Variants in FBXL17 observed in about 807,000 individuals in gnomAD.
FBXL17 encodes F-box and leucine rich repeat protein 17.
A neutral mutation model predicts 66.2 loss-of-function variants in FBXL17; 22 were observed. The observed-to-expected ratio is 0.33, with a 90% CI of 0.24 to 0.47. The LOEUF (loss-of-function observed/expected upper bound fraction) is 0.47. Ranked by LOEUF, FBXL17 falls within the 20% of genes least tolerant of loss-of-function variation. FBXL17 has a pLI of 1.00. For synonymous variants in FBXL17, 474 were observed against 400.5 expected (o/e 1.18, Z -2.19); for missense variants, 878 against 948.2 (o/e 0.93, Z 0.97).
At position 107,925,408 on chromosome 5, in the gene FBXL17, T is replaced by C. The variant is rs528417247; in HGVS notation, c.1823-44229A>G. 5.3e-5 allele frequency among the ~76,000 whole-genome samples: 8 copies of C among 152,324 alleles called. 1 individual carries two copies. The South Asian group carries it at 1.7e-3, about 32-fold the overall frequency. On this transcript the variant is annotated intron_variant, in intron 7 of 8. Transcript: ENST00000542267. Reference sequence around the variant, plus strand: ...AGCAGATGCTATCATTGCCCTCCCATATTCCTTCAACGATCACTGTTTGTG... The same window carrying C: ...AGCAGATGCTATCATTGCCCTCCCACATTCCTTCAACGATCACTGTTTGTG...
In FBXL17 at chr5:108,323,614, G is replaced by A. The variant is rs191254289; in HGVS notation, c.1506+24785C>T. On this transcript the variant is annotated intron_variant, in intron 4 of 8. Coordinates refer to ENST00000542267, the MANE Select transcript of FBXL17 (RefSeq NM_001163315.3). ...AAAAACTCATCCTAAAACTCATATGGAATCTAAGGACCACAAATAGCCAAA... is the reference window on the plus strand; with the variant it reads ...AAAAACTCATCCTAAAACTCATATGAAATCTAAGGACCACAAATAGCCAAA... 3.6e-4 allele frequency among the ~76,000 whole-genome samples: 54 copies of A among 151,962 alleles called. No homozygotes were observed. The Middle Eastern group carries it at 0.01, about 29-fold the overall frequency.
chr5:108,239,061 CA>C lies in FBXL17; in HGVS notation c.1507-14834del, dbSNP rs199739462. ...CTTATATGTACTAATATAACTTTGA[CA>C]TTTTTTTTTTAGAGACAGTGTCACA... On this transcript the variant is annotated intron_variant, in intron 4 of 8. Transcript: ENST00000542267. Among the ~76,000 whole-genome samples, 624 of 151,548 alleles carry C rather than the reference CA, an allele frequency of 4.1e-3. 6 individuals carry two copies. The highest frequency in any genetic ancestry group is 0.014 in the African/African-American group (585 of 41,152).
chr5:107,893,438 C>A (rs1310902529), intron 7 of FBXL17, among the ~76,000 whole-genome samples: 3 of 152,080 alleles, frequency 2.0e-5, no homozygotes, highest in Non-Finnish European at 4.4e-5. Flanking sequence ...CTTACATGGA[C>A]CTATACATTA....
intron 7 of FBXL17, among the ~76,000 whole-genome samples, chr5:107,930,242 AT>A (rs2112573722): frequency 6.6e-6 from 1 of 152,204 alleles, no homozygotes; most frequent in African/African-American, 2.4e-5. Context: ...CTTCTTGTCC[AT>A]TCCCCCTGTT....
At chr5:107,957,018 G>A (rs1214854215) in intron 7 of FBXL17, among the ~76,000 whole-genome samples, 1 of 152,134 alleles carries the variant, frequency 6.6e-6, no homozygotes. Context: ...AAATTAGGAT[G>A]TAATTTGCCA....
intron 8 of FBXL17, chr5:107,879,600 C>A: frequency 1.0e-6 from 1 of 985,354 alleles, no homozygotes; most frequent in Non-Finnish European, 1.2e-6. Flanking sequence ...AAAGAATTAG[C>A]CAATTAACAA....
intron 6 of FBXL17, among the ~76,000 whole-genome samples, chr5:108,135,033 A>T (rs1030268467): frequency 6.6e-6 from 1 of 152,206 alleles, no homozygotes; most frequent in African/African-American, 2.4e-5. Flanking sequence ...AAATCTGATC[A>T]GAAACTCACA....
intron 4 of FBXL17, among the ~76,000 whole-genome samples, chr5:108,317,420 C>G (rs777740456): frequency 5.3e-5 from 8 of 150,474 alleles, no homozygotes; most frequent in Non-Finnish European, 1.2e-4. Context: ...CCCAACTACC[C>G]TGATTTGATC....
At position 108,380,849 on chromosome 5, in the gene FBXL17, G is replaced by T. The variant is rs1580937834; in HGVS notation, c.843C>A (p.Ala281=). 1 of 1,246,446 alleles carries T rather than the reference G, an allele frequency of 8.0e-7. No homozygotes were observed. Among genetic ancestry groups the T allele is most frequent in the South Asian group, 4.1e-5 (1 of 24,438 alleles). The allele number at this position is 1,246,446 out of a possible 1,614,324, so 77.2% of individuals were successfully genotyped here. A position where few individuals can be genotyped will look rare whatever the true frequency, so the allele number is the denominator to read the frequency against. ...PTEAGGDAVR[A]GGTAPLSAQQ... ...GGGCGGACAAGGGGGCGGTGCCCCC[G>T]GCTCGGACAGCGTCCCCGCCAGCTT... Residue 281 remains alanine (A), a synonymous_variant, in exon 1 of 9, where the codon GCC becomes GCA. Transcript: ENST00000542267.
chr5:108,124,734 T>A (rs1333445142), intron 6 of FBXL17, among the ~76,000 whole-genome samples: 1 of 152,066 alleles, frequency 6.6e-6, no homozygotes, highest in African/African-American at 2.4e-5. Flanking sequence ...TCCAATCTCA[T>A]CTTTCTAGTC....
At chr5:107,903,806 C>G (rs1273397082) in intron 7 of FBXL17, among the ~76,000 whole-genome samples, 2 of 152,114 alleles carry the variant, frequency 1.3e-5, no homozygotes, top group Non-Finnish European at 2.9e-5. Flanking sequence ...TTGGGACATT[C>G]GTTTTTACAC....
chr5:107,911,994 C>A (rs1243685787), intron 7 of FBXL17, among the ~76,000 whole-genome samples: 1 of 151,944 alleles, frequency 6.6e-6, no homozygotes, highest in Non-Finnish European at 1.5e-5. Flanking sequence ...GACAGAACAG[C>A]AAATAAAAAG....
At chr5:108,380,040 T>C (rs1476052132) in intron 1 of FBXL17, among the ~76,000 whole-genome samples, 1 of 152,174 alleles carries the variant, frequency 6.6e-6, no homozygotes, top group Non-Finnish European at 1.5e-5. Context: ...TATGTGACCT[T>C]GCACAAGTCA....
intron 6 of FBXL17, among the ~76,000 whole-genome samples, chr5:108,185,278 G>C (rs1175932083): frequency 1.3e-5 from 2 of 152,110 alleles, no homozygotes; most frequent in East Asian, 3.9e-4. Flanking sequence ...CCCAATGTTG[G>C]AGGAAGGGCC....
intron 6 of FBXL17, among the ~76,000 whole-genome samples, chr5:108,104,414 AT>A (rs1483823532): frequency 2.4e-4 from 36 of 152,360 alleles, no homozygotes; most frequent in African/African-American, 5.3e-4. Context: ...TATAGTGAAA[AT>A]AAAGAAGTCA....
At chr5:108,224,606 T>G (rs2150076925) in intron 4 of FBXL17, among the ~76,000 whole-genome samples, 1 of 152,174 alleles carries the variant, frequency 6.6e-6, no homozygotes, top group South Asian at 2.1e-4. Flanking sequence ...TGTTTTGTTT[T>G]GTTTTGACAG....
At chr5:108,240,527 G>A (rs565444450) in intron 4 of FBXL17, among the ~76,000 whole-genome samples, 1 of 152,294 alleles carries the variant, frequency 6.6e-6, no homozygotes, top group African/African-American at 2.4e-5. Flanking sequence ...TTGGGTACCA[G>A]CTCAACCACA....
intron 4 of FBXL17, among the ~76,000 whole-genome samples, chr5:108,263,044 C>T (rs1345830398): frequency 6.6e-6 from 1 of 152,160 alleles, no homozygotes; most frequent in African/African-American, 2.4e-5. Context: ...TAATTTTCCT[C>T]ACCATCTCAG....
intron 6 of FBXL17, among the ~76,000 whole-genome samples, chr5:108,039,681 C>A (rs1561380479): frequency 6.6e-6 from 1 of 152,060 alleles, no homozygotes. Context: ...TCAGCTCAAG[C>A]ACAATTCTGA....
Sources: allele counts gnomAD v4.1 joint callset (sites outside exome capture counted in the v4.1 genomes callset), GRCh38; gene constraint gnomAD v4.1.1; transcripts MANE v1.5; gene names NCBI Gene and HGNC (gene_info 2026-07-23, HGNC 2026-07-21).